The following TTC39B variants were observed in gnomAD, a reference collection of about 807,000 sequenced individuals.
The protein encoded by TTC39B is tetratricopeptide repeat protein 39B.
TTC39B carries 92 observed loss-of-function variants against 96.6 expected under a neutral mutation model. That is an observed-to-expected ratio of 0.95 (90% CI 0.80 to 1.13). The LOEUF is 1.13. Ranked by LOEUF, TTC39B falls within the 50% of genes most tolerant of loss-of-function variation. The pLI, the probability that TTC39B is intolerant of heterozygous loss-of-function variation, is 0.00. For synonymous variants in TTC39B, 367 were observed against 299.4 expected, an observed-to-expected ratio of 1.23 and a Z score of -2.33; for missense variants, 955 against 809.3, an observed-to-expected ratio of 1.18 and a Z score of -2.18.
intron 6 of TTC39B, among the ~76,000 whole-genome samples, chr9:15,204,999 CATG>C (rs1342872379): frequency 6.6e-6 from 1 of 152,144 alleles, no homozygotes; most frequent in African/African-American, 2.4e-5. Context: ...TGCAAAGTGG[CATG>C]ATATTTAAGT....
intron 1 of TTC39B, among the ~76,000 whole-genome samples, chr9:15,298,458 A>G (rs2131615857): frequency 6.6e-6 from 1 of 152,348 alleles, no homozygotes; most frequent in South Asian, 2.1e-4. Flanking sequence ...GGAAAGCCTC[A>G]AAATCATGGT....
At chr9:15,290,017 T>C (rs1824125994) in intron 1 of TTC39B, among the ~76,000 whole-genome samples, 1 of 152,202 alleles carries the variant, frequency 6.6e-6, no homozygotes, top group African/African-American at 2.4e-5. Context: ...TTGTGACACC[T>C]AACACTTGTG....
intron 2 of TTC39B, among the ~76,000 whole-genome samples, chr9:15,228,218 C>T (rs1163541323): frequency 2.0e-5 from 3 of 152,058 alleles, no homozygotes; most frequent in Non-Finnish European, 2.9e-5. Flanking sequence ...AATCCCAGCA[C>T]TTTGGGAGGC....
At chr9:15,284,704 A>G (rs1445483245) in intron 1 of TTC39B, among the ~76,000 whole-genome samples, 1 of 152,170 alleles carries the variant, frequency 6.6e-6, no homozygotes, top group Non-Finnish European at 1.5e-5. Flanking sequence ...GTCACAACCA[A>G]ATTCTTACTT....
chr9:15,252,605 G>A (rs539504620), intron 2 of TTC39B, among the ~76,000 whole-genome samples: 4 of 152,070 alleles, frequency 2.6e-5, no homozygotes, highest in East Asian at 3.9e-4. Context: ...CCAAGATGGC[G>A]CTATGGCACT....
At chr9:15,190,718 G>C (rs1818810179) in intron 10 of TTC39B, 56 bp from the exon 11 acceptor site, 6 of 1,425,082 alleles carry the variant, frequency 4.2e-6, no homozygotes, top group Non-Finnish European at 5.9e-6. Flanking sequence ...ATCATATTCA[G>C]AAACTTTTTA....
intron 17 of TTC39B, among the ~76,000 whole-genome samples, chr9:15,179,847 G>A (rs928306748): frequency 2.6e-5 from 4 of 152,126 alleles, no homozygotes; most frequent in South Asian, 2.1e-4. Flanking sequence ...CTTCTATGAC[G>A]AACTTGAGTT....
At chr9:15,298,849 T>C (rs536613853) in intron 1 of TTC39B, among the ~76,000 whole-genome samples, 98 of 152,284 alleles carry the variant, frequency 6.4e-4, no homozygotes, top group South Asian at 1.2e-3. Context: ...CACCACAGGA[T>C]CTTCCTCACC....
At chr9:15,170,741 C>T (rs1056207573) in exon 20 of TTC39B, 4 of 152,150 alleles carry the variant, frequency 2.6e-5, no homozygotes, top group African/African-American at 4.8e-5. Context: ...CCAGATTCAT[C>T]AACTCATAAA....
At position 15,192,703 on chromosome 9, in the gene TTC39B, G is replaced by GAAAAA; in HGVS notation, c.825-9_825-8insTTTTT. On this transcript the variant is annotated splice_polypyrimidine_tract_variant and intron_variant, in intron 8 of 19. Coordinates refer to ENST00000512701, the Ensembl canonical transcript of TTC39B. Reference sequence around the variant, plus strand: ...AGGATAGAAAGACATTCTCTGGGTTGAAGAAAAAAAGTGACAGCATAAGTT... The same window carrying GAAAAA: ...AGGATAGAAAGACATTCTCTGGGTTGAAAAAAAGAAAAAAAGTGACAGCATAAGTT... 3 of 1,602,286 alleles carry GAAAAA rather than the reference G, an allele frequency of 1.9e-6. No individual in the cohort carries two copies. Among genetic ancestry groups the GAAAAA allele is most frequent in the South Asian group, 2.2e-5 (2 of 89,558 alleles).
At chr9:15,247,659 G>A (rs1232773052) in intron 2 of TTC39B, among the ~76,000 whole-genome samples, 2 of 152,184 alleles carry the variant, frequency 1.3e-5, no homozygotes, top group Admixed American at 1.3e-4. Flanking sequence ...GCCCATAAGT[G>A]CAATCCTGTC....
chr9:15,285,613 G>C (rs180835526), intron 1 of TTC39B, among the ~76,000 whole-genome samples: 4 of 152,106 alleles, frequency 2.6e-5, no homozygotes, highest in African/African-American at 9.7e-5. Context: ...CCTGCACTTC[G>C]GGAGGCCGAG....
intron 1 of TTC39B, among the ~76,000 whole-genome samples, chr9:15,297,353 G>A (rs936876463): frequency 2.0e-5 from 3 of 152,186 alleles, no homozygotes; most frequent in African/African-American, 7.2e-5. Context: ...TGTCGCCTAT[G>A]AGGAAAACAA....
At position 15,291,060 on chromosome 9, in the gene TTC39B, AC is replaced by A. The variant is rs200592456; in HGVS notation, c.240+16023del. Among the ~76,000 whole-genome samples, 1,467 of 152,258 alleles carry A rather than the reference AC, an allele frequency of 9.6e-3. 31 individuals are homozygous for A. Among genetic ancestry groups the A allele is most frequent in the African/African-American group, 0.033 (1,370 of 41,526 alleles). ...AAAGTCTCCCTCCTGAGAGGATAAA[AC>A]TCTCACATTGTTAGACAGCATTAAA... is the stretch of plus-strand genomic sequence containing the variant. On this transcript the variant is annotated intron_variant, in intron 1 of 19. Coordinates refer to ENST00000512701, the Ensembl canonical transcript of TTC39B.
intron 2 of TTC39B, among the ~76,000 whole-genome samples, chr9:15,258,016 T>A (rs1822817932): frequency 6.6e-6 from 1 of 151,940 alleles, no homozygotes; most frequent in Admixed American, 6.6e-5. Context: ...GCCGAGTTCG[T>A]ACCACTGCAC....
chr9:15,174,832 G>A (rs1817843261), intron 19 of TTC39B, among the ~76,000 whole-genome samples, 187 bp downstream of exon 19: 2 of 152,212 alleles, frequency 1.3e-5, no homozygotes, highest in South Asian at 4.1e-4. Context: ...GAGGCAGTAA[G>A]AGGGTTGGAA....
At chr9:15,303,308 C>T (rs1420859790) in intron 1 of TTC39B, among the ~76,000 whole-genome samples, 1 of 151,738 alleles carries the variant, frequency 6.6e-6, no homozygotes, top group Non-Finnish European at 1.5e-5. Context: ...ATCAACTTTT[C>T]AAAAAACATT....
Position 15,251,700 on chromosome 9 carries a change from CATATATATATATATATATATATATAT to C in TTC39B, c.275+16188_275+16213del, listed in dbSNP as rs57422881. On this transcript the variant is annotated intron_variant, in intron 2 of 19. Transcript: ENST00000512701. Reference sequence around the variant, plus strand: ...ACACACACACACACACATACATATACATATATATATATATATATATATATATATATATATATGTAGTATATATGGAG... The same window carrying C: ...ACACACACACACACACATACATATACATATATATATGTAGTATATATGGAG... Among the ~76,000 whole-genome samples, 79 of 98,370 alleles carry C rather than the reference CATATATATATATATATATATATATAT, an allele frequency of 8.0e-4. 3 individuals carry two copies. Among genetic ancestry groups the C allele is most frequent in the East Asian group, 3.2e-3 (6 of 1,892 alleles). The allele number at this position is 98,370 out of a possible 152,430, so 64.5% of individuals were successfully genotyped here.
intron 1 of TTC39B, among the ~76,000 whole-genome samples, chr9:15,295,338 A>T (rs1480446037): frequency 6.6e-6 from 1 of 152,220 alleles, no homozygotes; most frequent in African/African-American, 2.4e-5. Context: ...TTACAAAAAT[A>T]GGCAGGAGGT....
Sources: allele counts gnomAD v4.1 joint callset (sites outside exome capture counted in the v4.1 genomes callset), GRCh38; gene constraint gnomAD v4.1.1; transcripts MANE v1.5; gene names NCBI Gene and HGNC (gene_info 2026-07-23, HGNC 2026-07-21).